Variants in PGBD2 observed in about 807,000 individuals in gnomAD.
The protein encoded by PGBD2 is piggyBac transposable element derived 2.
A neutral mutation model predicts 8.1 loss-of-function variants in PGBD2; 6 were observed. That is an observed-to-expected ratio of 0.74 (90% CI 0.40 to 1.46). The LOEUF is 1.46. Ranked by LOEUF, PGBD2 falls within the 40% of genes most tolerant of loss-of-function variation. PGBD2 has a pLI of 0.02. For synonymous variants in PGBD2, 318 were observed against 272.2 expected (o/e 1.17, Z -1.66); for missense variants, 802 against 739.0 (o/e 1.09, Z -0.99).
At chr1:248,873,965 C>A in the PGBD2 span, among the ~76,000 whole-genome samples, 48 of 152,252 alleles carry the variant, frequency 3.2e-4, no homozygotes, top group African/African-American at 8.7e-4. Flanking sequence ...CTGACACATT[C>A]GTTTTATTAG....
the PGBD2 span, among the ~76,000 whole-genome samples, chr1:248,889,160 G>A: frequency 1.3e-5 from 2 of 152,180 alleles, no homozygotes; most frequent in African/African-American, 4.8e-5. Flanking sequence ...GCCAAGGTGG[G>A]CAGATCATGA....
intron 1 of PGBD2, among the ~76,000 whole-genome samples, chr1:248,911,574 C>G (rs1420222314): frequency 6.9e-6 from 1 of 144,656 alleles, no homozygotes; most frequent in African/African-American, 2.9e-5. Flanking sequence ...ACCTTTCCCC[C>G]TTTTCTATTC....
chr1:248,892,221 T>C, the PGBD2 span, among the ~76,000 whole-genome samples: 1 of 151,560 alleles, frequency 6.6e-6, no homozygotes, highest in East Asian at 1.9e-4. Flanking sequence ...TCTGAGTAGG[T>C]CAAGGTAGTC....
chr1:248,891,070 G>A, the PGBD2 span, among the ~76,000 whole-genome samples: 1 of 152,080 alleles, frequency 6.6e-6, no homozygotes, highest in African/African-American at 2.4e-5. Flanking sequence ...ACGCACTGAC[G>A]CATGCATGGT....
chr1:248,887,386 C>T, the PGBD2 span, among the ~76,000 whole-genome samples: 1 of 152,130 alleles, frequency 6.6e-6, no homozygotes, highest in Non-Finnish European at 1.5e-5. Context: ...GAGTTCTACT[C>T]AGTTGTCTTG....
At chr1:248,878,780 A>C in the PGBD2 span, among the ~76,000 whole-genome samples, 1 of 152,170 alleles carries the variant, frequency 6.6e-6, no homozygotes, top group Non-Finnish European at 1.5e-5. Context: ...TAGAAGCTCC[A>C]TAGTACACTG....
the PGBD2 span, among the ~76,000 whole-genome samples, chr1:248,878,034 T>C: frequency 6.6e-6 from 1 of 152,216 alleles, no homozygotes; most frequent in Non-Finnish European, 1.5e-5. Context: ...GGCTGGAGAT[T>C]GGGGTAATTG....
chr1:248,917,681 A>G lies in PGBD2; in HGVS notation c.1097A>G (p.Lys366Arg). 6.2e-7 allele frequency: 1 copy of G among 1,613,910 alleles called. No homozygotes were observed. The highest frequency in any genetic ancestry group is 8.5e-7 in the Non-Finnish European group (1 of 1,179,790). Residue 366 changes from lysine (K) to arginine (R), a missense_variant, in exon 3 of 3, where the codon AAG becomes AGG. Physicochemically the swap from Lys to Arg is conservative, Grantham distance 26 (BLOSUM62 2). Transcript: ENST00000329291. ...SVKLMSILRK[K>R]GVKATGTVRE... ...AAACTGATGTCCATTTTGAGGAAAA[A>G]GGGGGTGAAAGCCACAGGAACTGTT...
At chr1:248,927,410 A>G in the PGBD2 span, among the ~76,000 whole-genome samples, 1 of 152,194 alleles carries the variant, frequency 6.6e-6, no homozygotes, top group Non-Finnish European at 1.5e-5. Flanking sequence ...TAGAGTTGTG[A>G]TTCTATGCAG....
intron 2 of PGBD2, among the ~76,000 whole-genome samples, chr1:248,915,673 A>G (rs971365069): frequency 2.0e-5 from 3 of 152,210 alleles, no homozygotes; most frequent in African/African-American, 7.2e-5. Flanking sequence ...ACAGGGCCAG[A>G]GAGTGTCAGG....
chr1:248,873,311 C>T, the PGBD2 span, among the ~76,000 whole-genome samples: 1 of 152,242 alleles, frequency 6.6e-6, no homozygotes, highest in Non-Finnish European at 1.5e-5. Flanking sequence ...TCAGGCCCCT[C>T]TGACCTAGGA....
chr1:248,876,710 A>T, the PGBD2 span, among the ~76,000 whole-genome samples: 1 of 152,150 alleles, frequency 6.6e-6, no homozygotes, highest in Non-Finnish European at 1.5e-5. Flanking sequence ...ATCCGTATTT[A>T]TTTTAGTTCC....
the PGBD2 span, among the ~76,000 whole-genome samples, chr1:248,883,334 G>A: frequency 6.6e-6 from 1 of 152,060 alleles, no homozygotes; most frequent in Non-Finnish European, 1.5e-5. Context: ...TGTTGGTCAG[G>A]CTGGTCTCAA....
intron 1 of PGBD2, among the ~76,000 whole-genome samples, chr1:248,911,929 GGTT>G (rs1424162280): frequency 1.3e-5 from 2 of 152,010 alleles, no homozygotes; most frequent in African/African-American, 4.8e-5. Flanking sequence ...CGCAGAGAGG[GGTT>G]GTTGGTCTAT....
At position 248,917,683 on chromosome 1, in the gene PGBD2, G is replaced by A; in HGVS notation, c.1099G>A (p.Gly367Arg). The A allele has an allele frequency of 6.8e-6, 11 of 1,614,198 alleles. No homozygotes were observed. Among genetic ancestry groups the A allele is most frequent in the Non-Finnish European group, 9.3e-6 (11 of 1,180,016 alleles). Residue 367 changes from glycine (G) to arginine (R), a missense_variant, in exon 3 of 3, where the codon GGG becomes AGG. Physicochemically the swap from Gly to Arg is moderately radical, Grantham distance 125. Transcript: ENST00000329291. ...VKLMSILRKKGVKATGTVREY... is the reference protein window; with the variant it reads ...VKLMSILRKKRVKATGTVREY... ...ACTGATGTCCATTTTGAGGAAAAAG[G>A]GGGTGAAAGCCACAGGAACTGTTCG...
chr1:248,923,897 A>G (rs956969949), downstream of PGBD2, among the ~76,000 whole-genome samples: 1 of 152,212 alleles, frequency 6.6e-6, no homozygotes, highest in African/African-American at 2.4e-5. Flanking sequence ...CTTTCTCTGG[A>G]CCAGCTACCA....
At chr1:248,891,289 C>G in the PGBD2 span, among the ~76,000 whole-genome samples, 1 of 152,120 alleles carries the variant, frequency 6.6e-6, no homozygotes, top group South Asian at 2.1e-4. Flanking sequence ...TTAGCCTCTT[C>G]TCTACAAATC....
At chr1:248,897,711 G>T in the PGBD2 span, among the ~76,000 whole-genome samples, 2 of 152,176 alleles carry the variant, frequency 1.3e-5, no homozygotes, top group Non-Finnish European at 2.9e-5. Context: ...GGGGGCTGAA[G>T]CCAGGAACCC....
chr1:248,920,601 CAT>C (rs1453383347), downstream of PGBD2, among the ~76,000 whole-genome samples: 17 of 152,264 alleles, frequency 1.1e-4, no homozygotes, highest in South Asian at 6.2e-4. Context: ...CTGCAATAAA[CAT>C]ATGTGTGCAT....
Sources: allele counts gnomAD v4.1 joint callset (sites outside exome capture counted in the v4.1 genomes callset), GRCh38; gene constraint gnomAD v4.1.1; transcripts MANE v1.5; gene names NCBI Gene and HGNC (gene_info 2026-07-23, HGNC 2026-07-21).